FBXL17: variants seen among roughly 807,000 people sequenced by gnomAD.
FBXL17 encodes F-box/LRR-repeat protein 17.
A neutral mutation model predicts 66.2 loss-of-function variants in FBXL17; 22 were observed. That is an observed-to-expected ratio of 0.33 (90% confidence interval 0.24 to 0.47). The LOEUF (loss-of-function observed/expected upper bound fraction) is 0.47, where lower values mean the gene tolerates loss of function less well. Ranked by LOEUF, FBXL17 falls within the 20% of genes least tolerant of loss-of-function variation. The pLI is 1.00. For missense variants in FBXL17, 878 were observed against 948.2 expected (o/e 0.93, Z 0.97); for synonymous variants, 474 against 400.5 (o/e 1.18, Z -2.19).
chr5:108,316,281 A>C (rs959236902), intron 4 of FBXL17, among the ~76,000 whole-genome samples: 2 of 151,544 alleles, frequency 1.3e-5, no homozygotes, highest in African/African-American at 4.8e-5. Flanking sequence ...TATCTTTAAA[A>C]GATCAACAAT....
chr5:108,041,523 C>A (rs1172112737), intron 6 of FBXL17, among the ~76,000 whole-genome samples: 1 of 151,906 alleles, frequency 6.6e-6, no homozygotes, highest in East Asian at 1.9e-4. Context: ...CTCAAGTGAT[C>A]CTCCCACCTT....
intron 6 of FBXL17, among the ~76,000 whole-genome samples, chr5:108,092,338 C>A (rs1347375516): frequency 2.0e-5 from 3 of 152,158 alleles, no homozygotes; most frequent in Non-Finnish European, 4.4e-5. Flanking sequence ...CAGGGTCTCA[C>A]TCCTGTTGCA....
chr5:108,220,141 A>G (rs1027450224), intron 5 of FBXL17, among the ~76,000 whole-genome samples: 4 of 151,802 alleles, frequency 2.6e-5, no homozygotes, highest in African/African-American at 9.7e-5. Flanking sequence ...AATACTTTCT[A>G]ATTTCTCTTT....
chr5:108,235,200 T>C (rs1242047116), intron 4 of FBXL17, among the ~76,000 whole-genome samples: 4 of 152,202 alleles, frequency 2.6e-5, no homozygotes, highest in Non-Finnish European at 5.9e-5. Context: ...TACCAAACAA[T>C]ATAACAGTAT....
intron 6 of FBXL17, among the ~76,000 whole-genome samples, chr5:108,147,579 G>T (rs1010824026): frequency 1.3e-5 from 2 of 152,128 alleles, no homozygotes; most frequent in South Asian, 4.1e-4. Context: ...TATGTAGAGG[G>T]AAATAACACA....
At chr5:107,901,946 G>C (rs546335359) in intron 7 of FBXL17, among the ~76,000 whole-genome samples, 22 of 152,314 alleles carry the variant, frequency 1.4e-4, no homozygotes, top group African/African-American at 4.8e-4. Flanking sequence ...GAATGTAGCT[G>C]CAGTGTTGCT....
At chr5:108,324,266 G>A (rs13178456) in intron 4 of FBXL17, among the ~76,000 whole-genome samples, 63,861 of 151,700 alleles carry the variant, frequency 0.42, 14,231 homozygotes, top group Non-Finnish European at 0.5. Context: ...AATGAGTAAT[G>A]TATTAGAAGA....
intron 7 of FBXL17, among the ~76,000 whole-genome samples, chr5:107,954,597 G>A (rs545625153): frequency 1.3e-5 from 2 of 152,298 alleles, no homozygotes; most frequent in South Asian, 2.1e-4. Flanking sequence ...CTCCAAAGTA[G>A]AGAATTCTTT....
chr5:108,034,802 A>T (rs959964818), intron 6 of FBXL17, among the ~76,000 whole-genome samples: 5 of 152,162 alleles, frequency 3.3e-5, no homozygotes, highest in Non-Finnish European at 5.9e-5. Context: ...TTTAAAAGTC[A>T]TTTTACACTG....
intron 6 of FBXL17, among the ~76,000 whole-genome samples, chr5:108,137,584 T>C (rs1382244131): frequency 5.3e-5 from 8 of 152,140 alleles, no homozygotes; most frequent in African/African-American, 1.7e-4. Context: ...TGAGATTATT[T>C]CATTATTCTG....
intron 4 of FBXL17, among the ~76,000 whole-genome samples, chr5:108,284,507 A>G (rs1057019194): frequency 6.6e-6 from 1 of 151,824 alleles, no homozygotes; most frequent in Non-Finnish European, 1.5e-5. Flanking sequence ...ATGAGCTCTC[A>G]TGGATGTAGA....
chr5:108,238,503 T>C (rs765991281), intron 4 of FBXL17, among the ~76,000 whole-genome samples: 1 of 152,144 alleles, frequency 6.6e-6, no homozygotes, highest in Non-Finnish European at 1.5e-5. Context: ...ATTGTGACTT[T>C]TTAATTTTTA....
intron 8 of FBXL17, among the ~76,000 whole-genome samples, chr5:107,878,034 A>G (rs1382046770): frequency 6.6e-6 from 1 of 152,170 alleles, no homozygotes; most frequent in African/African-American, 2.4e-5. Context: ...CTCCCACTGC[A>G]AATCTTTCTG....
chr5:108,257,522 T>C (rs1292672271), intron 4 of FBXL17, among the ~76,000 whole-genome samples: 2 of 152,110 alleles, frequency 1.3e-5, no homozygotes, highest in Non-Finnish European at 2.9e-5. Context: ...CAAAGGAAGA[T>C]AATAATTATC....
intron 7 of FBXL17, among the ~76,000 whole-genome samples, chr5:107,923,203 G>A (rs1342464258): frequency 6.6e-6 from 1 of 152,134 alleles, no homozygotes; most frequent in South Asian, 2.1e-4. Context: ...GCCATGGAAG[G>A]TGCTCAATAA....
intron 4 of FBXL17, among the ~76,000 whole-genome samples, chr5:108,336,441 T>C (rs1760386211): frequency 6.6e-6 from 1 of 152,124 alleles, no homozygotes; most frequent in Non-Finnish European, 1.5e-5. Context: ...AATCAAGTAG[T>C]TAAAGTATGA....
chr5:108,376,216 C>G (rs1749412145), intron 1 of FBXL17, among the ~76,000 whole-genome samples: 1 of 152,042 alleles, frequency 6.6e-6, no homozygotes, highest in Admixed American at 6.5e-5. Flanking sequence ...AAATCAGAAA[C>G]AAAACAAGGA....
chr5:108,249,877 A>G lies in FBXL17; in HGVS notation c.1507-25649T>C, dbSNP rs868001745. On this transcript the variant is annotated intron_variant, in intron 4 of 8. Coordinates refer to ENST00000542267, the MANE Select transcript of FBXL17 (RefSeq NM_001163315.3). Reference sequence around the variant, plus strand: ...GCTACCACATTAGGACAGAGAAAGAACTCCTCTTCCCTTTATCCAAAAGTA... The same window carrying G: ...GCTACCACATTAGGACAGAGAAAGAGCTCCTCTTCCCTTTATCCAAAAGTA... Among the ~76,000 whole-genome samples, 39 of 152,198 alleles carry G rather than the reference A, an allele frequency of 2.6e-4. No homozygotes were observed. The Middle Eastern group carries it at 0.01, about 40-fold the overall frequency.
intron 7 of FBXL17, among the ~76,000 whole-genome samples, chr5:107,986,950 C>T (rs1753034067): frequency 6.6e-6 from 1 of 151,760 alleles, no homozygotes. Flanking sequence ...AATTTTAATG[C>T]TACTGTAGTT....
Sources: gnomAD v4.1 joint callset for allele counts (sites outside exome capture counted in the v4.1 genomes callset) on GRCh38, gnomAD v4.1.1 for gene constraint, MANE v1.5 for transcripts, NCBI Gene and HGNC (gene_info 2026-07-23, HGNC 2026-07-21) for gene names.